The following SPIDR variants were observed in gnomAD, a reference collection of about 807,000 sequenced individuals.
The protein encoded by SPIDR is scaffold protein involved in DNA repair, also known as DNA repair-scaffolding protein.
SPIDR carries 93 observed loss-of-function variants against 104.6 expected under a neutral mutation model. The observed-to-expected ratio is 0.89, with a 90% CI of 0.75 to 1.06. The LOEUF (loss-of-function observed/expected upper bound fraction) is 1.06. Among genes scored for constraint, SPIDR ranks in the 50% least tolerant of loss-of-function variants. The pLI is 0.00. For synonymous variants in SPIDR, 431 were observed against 416.9 expected (o/e 1.03, Z -0.41); for missense variants, 1,154 against 1,111.2 (o/e 1.04, Z -0.55).
chr8:47,719,479 A>T (rs2083073729), intron 16 of SPIDR, among the ~76,000 whole-genome samples: 1 of 152,068 alleles, frequency 6.6e-6, no homozygotes, highest in Non-Finnish European at 1.5e-5. Flanking sequence ...ACTGCACTCC[A>T]GCCTGGGCGA....
intron 8 of SPIDR, among the ~76,000 whole-genome samples, chr8:47,569,534 G>A (rs747675803): frequency 4.6e-5 from 7 of 152,126 alleles, no homozygotes; most frequent in African/African-American, 7.2e-5. Flanking sequence ...GTCTTAATAA[G>A]TTAAAATATT....
chr8:47,669,001 A>G (rs979328850), intron 10 of SPIDR, among the ~76,000 whole-genome samples: 2 of 152,198 alleles, frequency 1.3e-5, no homozygotes, highest in African/African-American at 2.4e-5. Context: ...CTAAATCACT[A>G]TATCATGTGA....
chr8:47,412,486 C>A (rs2063677159), intron 7 of SPIDR, among the ~76,000 whole-genome samples: 1 of 152,176 alleles, frequency 6.6e-6, no homozygotes, highest in Admixed American at 6.5e-5. Flanking sequence ...AGAATGCTTT[C>A]TTTCCAATAT....
chr8:47,465,903 G>A (rs1413471932), intron 8 of SPIDR, among the ~76,000 whole-genome samples: 3 of 152,016 alleles, frequency 2.0e-5, no homozygotes, highest in Non-Finnish European at 4.4e-5. Context: ...TGACTAAACC[G>A]ACGAAGATCA....
intron 7 of SPIDR, among the ~76,000 whole-genome samples, chr8:47,422,847 T>G (rs371951730): frequency 6.6e-6 from 1 of 152,230 alleles, no homozygotes; most frequent in Non-Finnish European, 1.5e-5. Flanking sequence ...CTTTGTTCCC[T>G]CCTGAGTAGC....
rs917805978 is a variant in SPIDR at position 47,351,959 on chromosome 8, G to C, written c.526-44417G>C. Among the ~76,000 whole-genome samples the C allele has an allele frequency of 2.0e-5, 3 of 152,096 alleles. No individual in the cohort carries two copies. The South Asian group carries it at 6.2e-4, about 32-fold the overall frequency. ...TAATTTTGAAAGAACAGATGTTCAG[G>C]ATCCTTTAAACATTTTACTGTGTTA... On this transcript the variant is annotated intron_variant, in intron 5 of 19. Transcript: ENST00000297423.
At chr8:47,368,120 A>G (rs1469923341) in intron 5 of SPIDR, among the ~76,000 whole-genome samples, 2 of 152,034 alleles carry the variant, frequency 1.3e-5, no homozygotes, top group African/African-American at 4.8e-5. Flanking sequence ...GTAACCTCAC[A>G]TGGTGGAAGG....
intron 10 of SPIDR, among the ~76,000 whole-genome samples, chr8:47,644,653 TATATTAATG>T (rs1473291500): frequency 6.6e-6 from 1 of 152,228 alleles, no homozygotes; most frequent in Non-Finnish European, 1.5e-5. Context: ...ATGTGATTGA[TATATTAATG>T]AGATAATACT....
At chr8:47,635,393 T>C (rs762137847) in intron 10 of SPIDR, among the ~76,000 whole-genome samples, 1 of 151,992 alleles carries the variant, frequency 6.6e-6, no homozygotes, top group Non-Finnish European at 1.5e-5. Context: ...TGTAAAACAA[T>C]GAAAGGATAA....
chr8:47,542,268 G>T (rs1031251252), intron 8 of SPIDR, among the ~76,000 whole-genome samples: 2 of 151,734 alleles, frequency 1.3e-5, no homozygotes, highest in Admixed American at 1.3e-4. Context: ...AAAATTCTGG[G>T]CTGGGTGGGT....
At chr8:47,587,542 G>A (rs957439234) in intron 8 of SPIDR, among the ~76,000 whole-genome samples, 5 of 151,166 alleles carry the variant, frequency 3.3e-5, no homozygotes, top group African/African-American at 4.9e-5. Flanking sequence ...GGAGGCAGAC[G>A]GAGGTTGCTG....
chr8:47,386,417 A>T (rs1286247516), intron 5 of SPIDR, among the ~76,000 whole-genome samples: 4 of 152,110 alleles, frequency 2.6e-5, no homozygotes, highest in Non-Finnish European at 4.4e-5. Context: ...ATATTTTAAA[A>T]TTTTTTGGTT....
chr8:47,467,130 C>G (rs1554717943), intron 8 of SPIDR, among the ~76,000 whole-genome samples: 1 of 151,986 alleles, frequency 6.6e-6, no homozygotes, highest in Non-Finnish European at 1.5e-5. Flanking sequence ...TGGATAAATT[C>G]CTGGATGCAT....
At position 47,328,299 on chromosome 8, in the gene SPIDR, C is replaced by G. The variant is rs2048046661; in HGVS notation, c.525+34269C>G. Among the ~76,000 whole-genome samples, 4 of 151,938 alleles carry G rather than the reference C, an allele frequency of 2.6e-5. No homozygotes were observed. In the South Asian group the frequency reaches 6.2e-4, roughly 24 times the overall value. ...AAAGAGATAAAGTCTTGCTCTGTCA[C>G]TCAGGCTGGAGTGCAGTGGCATTAT... is the stretch of plus-strand genomic sequence containing the variant. On this transcript the variant is annotated intron_variant, in intron 5 of 19. Coordinates refer to ENST00000297423, the MANE Select transcript of SPIDR (RefSeq NM_001080394.4).
intron 8 of SPIDR, among the ~76,000 whole-genome samples, chr8:47,575,934 T>C (rs1017670828): frequency 6.0e-5 from 9 of 149,984 alleles, no homozygotes; most frequent in African/African-American, 2.2e-4. Context: ...CTTTCCAGCC[T>C]GGGCGACAGA....
intron 10 of SPIDR, among the ~76,000 whole-genome samples, chr8:47,617,889 C>G (rs1301910058): frequency 6.6e-6 from 1 of 152,106 alleles, no homozygotes; most frequent in African/African-American, 2.4e-5. Flanking sequence ...CTCTGAGCCA[C>G]ATTGTTGGTG....
At chr8:47,284,522 G>C (rs1369981601) in intron 3 of SPIDR, among the ~76,000 whole-genome samples, 1 of 152,204 alleles carries the variant, frequency 6.6e-6, no homozygotes, top group African/African-American at 2.4e-5. Flanking sequence ...CTTTCAATAA[G>C]TAGTAGAAAA....
chr8:47,293,834 ATAAT>A lies in SPIDR; in HGVS notation c.362-29_362-26del, dbSNP rs1447613212. The A allele has an allele frequency of 2.2e-5, 34 of 1,569,810 alleles. No homozygotes were observed. The African/African-American group carries it at 2.2e-4, about 10-fold the overall frequency. On this transcript the variant is annotated intron_variant, in intron 4 of 19. Coordinates refer to ENST00000297423, the MANE Select transcript of SPIDR (RefSeq NM_001080394.4). Reference sequence around the variant, plus strand: ...GATATAAAAGTGAAAGATTAAGGAGATAATTAAGCAAGTTAAAAATTATATTTTT... The same window carrying A: ...GATATAAAAGTGAAAGATTAAGGAGATAAGCAAGTTAAAAATTATATTTTT...
intron 8 of SPIDR, among the ~76,000 whole-genome samples, chr8:47,573,194 G>C (rs912042829): frequency 5.9e-5 from 9 of 152,214 alleles, no homozygotes; most frequent in Admixed American, 2.0e-4. Flanking sequence ...TGTTTGTCCT[G>C]ATTGTTTTTC....
Sources: allele counts gnomAD v4.1 joint callset (sites outside exome capture counted in the v4.1 genomes callset), GRCh38; gene constraint gnomAD v4.1.1; transcripts MANE v1.5; gene names NCBI Gene and HGNC (gene_info 2026-07-23, HGNC 2026-07-21).